The following MYO16 variants were observed in gnomAD, a reference collection of about 807,000 sequenced individuals.
MYO16 encodes myosin XVI, also known as unconventional myosin-XVI.
A neutral mutation model predicts 205.3 loss-of-function variants in MYO16; 94 were observed. That is an observed-to-expected ratio of 0.46 (90% confidence interval 0.39 to 0.54). The LOEUF (loss-of-function observed/expected upper bound fraction) is 0.54. MYO16 is among the 20% of genes least tolerant of loss of function. The pLI, the probability that MYO16 is intolerant of heterozygous loss-of-function variation, is 0.00. For synonymous variants in MYO16, 988 were observed against 954.0 expected (o/e 1.04, Z -0.66); for missense variants, 2,315 against 2,387.5 (o/e 0.97, Z 0.63).
chr13:108,590,096 A>G, the MYO16 span, among the ~76,000 whole-genome samples: 1 of 152,214 alleles, frequency 6.6e-6, no homozygotes, highest in African/African-American at 2.4e-5. Context: ...CACCTCAATG[A>G]GAAGAAACTT....
chr13:108,559,237 A>T, the MYO16 span, among the ~76,000 whole-genome samples: 8 of 151,998 alleles, frequency 5.3e-5, no homozygotes, highest in Non-Finnish European at 1.5e-5. Flanking sequence ...ACACATAGGG[A>T]GCACTCTGCG....
chr13:108,547,649 T>A, the MYO16 span, among the ~76,000 whole-genome samples: 1 of 152,208 alleles, frequency 6.6e-6, no homozygotes, highest in African/African-American at 2.4e-5. Flanking sequence ...TATAAAGAAA[T>A]AGGCTATAGG....
rs760760905 is a variant in MYO16, at chr13:109,206,754, G to T, written c.5561G>T (p.Cys1854Phe). 3.7e-6 allele frequency: 6 copies of T among 1,614,140 alleles called. No homozygotes were observed. The highest frequency in any genetic ancestry group is 4.2e-6 in the Non-Finnish European group (5 of 1,180,002). Residue 1854 changes from cysteine (C) to phenylalanine (F), a missense_variant, in exon 35 of 35, where the codon TGC (cysteine) becomes TTC (phenylalanine). Physicochemically the swap from Cys to Phe is radical, Grantham distance 205 (BLOSUM62 -2). Coordinates refer to ENST00000457511, the MANE Select transcript of MYO16 (RefSeq NM_001198950.3). ...AEPRVPPPPP[C>F]KKPSLLKKPE... ...CCCAGGGTGCCTCCCCCACCACCTT[G>T]CAAGAAGCCCAGCCTTCTGAAGAAG...
At chr13:109,008,649 GTC>G (rs1491414064) in intron 21 of MYO16, among the ~76,000 whole-genome samples, 1 of 95,332 alleles carries the variant, frequency 1.0e-5, no homozygotes, top group Admixed American at 1.1e-4. Flanking sequence ...CTACTGTACT[GTC>G]TATCTTGTGT....
intron 4 of MYO16, among the ~76,000 whole-genome samples, chr13:108,758,062 C>T (rs904444850): frequency 5.9e-5 from 9 of 152,182 alleles, no homozygotes; most frequent in African/African-American, 1.7e-4. Flanking sequence ...CTACAGAGAG[C>T]TAGCTGGCCC....
Position 108,969,633 on chromosome 13 carries a change from C to T in MYO16, c.2369+4731C>T, listed in dbSNP as rs568223583. ...CCACCCAGACCAAAGCCATGCTCTG[C>T]TCATTCTTTTTAGGAATTGTGAGGT... On this transcript the variant is annotated intron_variant, in intron 20 of 34. Coordinates refer to ENST00000457511, the MANE Select transcript of MYO16 (RefSeq NM_001198950.3). 2.6e-5 allele frequency among the ~76,000 whole-genome samples: 4 copies of T among 152,190 alleles called. 1 individual carries two copies. Among genetic ancestry groups the T allele is most frequent in the Non-Finnish European group, 5.9e-5 (4 of 68,048 alleles).
At chr13:109,038,623 A>G (rs185637861) in intron 23 of MYO16, among the ~76,000 whole-genome samples, 1 of 152,024 alleles carries the variant, frequency 6.6e-6, no homozygotes, top group African/African-American at 2.4e-5. Flanking sequence ...ATATTATACT[A>G]TACTACTGGT....
At chr13:108,793,296 A>C (rs1363656325) in intron 5 of MYO16, among the ~76,000 whole-genome samples, 1 of 138,980 alleles carries the variant, frequency 7.2e-6, no homozygotes, top group Non-Finnish European at 1.6e-5. Context: ...AAAAAAAAAA[A>C]AAAAAAAAAC....
At chr13:108,963,172 C>G (rs1413073323) in intron 19 of MYO16, among the ~76,000 whole-genome samples, 2 of 152,164 alleles carry the variant, frequency 1.3e-5, no homozygotes, top group Non-Finnish European at 2.9e-5. Context: ...AAATGATGGC[C>G]TTACTATTTT....
intron 27 of MYO16, among the ~76,000 whole-genome samples, chr13:109,066,459 A>C (rs1328474728): frequency 6.6e-6 from 1 of 152,158 alleles, no homozygotes; most frequent in Non-Finnish European, 1.5e-5. Context: ...TTTGAGAGGA[A>C]AGAGGACCTG....
intron 34 of MYO16, among the ~76,000 whole-genome samples, chr13:109,190,171 G>A (rs1291871227): frequency 6.6e-6 from 1 of 151,948 alleles, no homozygotes; most frequent in Non-Finnish European, 1.5e-5. Context: ...ACTGCTATCT[G>A]CCATAAAGAT....
chr13:108,754,749 T>C (rs72666802), intron 4 of MYO16, among the ~76,000 whole-genome samples: 5,121 of 152,228 alleles, frequency 0.034, 265 homozygotes, highest in East Asian at 0.24. Context: ...CTTGTCTGCC[T>C]GGTTCTGCCC....
chr13:109,107,221 G>T (rs1383869716), intron 28 of MYO16, among the ~76,000 whole-genome samples: 1 of 152,150 alleles, frequency 6.6e-6, no homozygotes, highest in Non-Finnish European at 1.5e-5. Flanking sequence ...TTTCCTATTT[G>T]TGTTTACTTG....
the MYO16 span, among the ~76,000 whole-genome samples, chr13:108,510,039 T>A: frequency 1.3e-5 from 2 of 152,194 alleles, no homozygotes; most frequent in African/African-American, 4.8e-5. Flanking sequence ...TAATCCCCAA[T>A]ATTAGTTCTG....
At chr13:108,753,149 C>T (rs1321652770) in intron 4 of MYO16, among the ~76,000 whole-genome samples, 1 of 151,566 alleles carries the variant, frequency 6.6e-6, no homozygotes, top group Admixed American at 6.6e-5. Context: ...GTGGGTGGAT[C>T]ACGAGGTCAG....
the MYO16 span, among the ~76,000 whole-genome samples, chr13:108,563,531 A>G: frequency 5.9e-5 from 9 of 152,168 alleles, no homozygotes; most frequent in African/African-American, 1.7e-4. Context: ...TCTAATTTCT[A>G]TGTCCATAAG....
rs866905054 is a variant in MYO16 at position 109,014,690 on chromosome 13, A to G, written c.2596-5021A>G. 3.9e-4 allele frequency among the ~76,000 whole-genome samples: 60 copies of G among 152,172 alleles called. No homozygotes were observed. In the Middle Eastern group the frequency reaches 0.014, roughly 35 times the overall value. ...CTTGAAGAGATCCTTCACATCCCTT[A>G]TAAGTTGGATTCCTAGGTATTTTAT... On this transcript the variant is annotated intron_variant, in intron 22 of 34. Transcript: ENST00000457511.
intron 10 of MYO16, among the ~76,000 whole-genome samples, chr13:108,853,328 C>G (rs189649591): frequency 1.3e-5 from 2 of 152,280 alleles, no homozygotes; most frequent in Admixed American, 1.3e-4. Flanking sequence ...ACAAAAAGTA[C>G]CAGTTTTTGG....
intron 4 of MYO16, among the ~76,000 whole-genome samples, chr13:108,734,805 G>A (rs1884635879): frequency 1.3e-5 from 2 of 152,206 alleles, no homozygotes; most frequent in Admixed American, 6.5e-5. Context: ...CATGTCCCAT[G>A]GTGTGGGCAG....
Sources: gnomAD v4.1 joint callset for allele counts (sites outside exome capture counted in the v4.1 genomes callset) on GRCh38, gnomAD v4.1.1 for gene constraint, MANE v1.5 for transcripts, NCBI Gene and HGNC (gene_info 2026-07-23, HGNC 2026-07-21) for gene names.